GPR149: variants seen among roughly 807,000 people sequenced by gnomAD.
The protein encoded by GPR149 is G protein-coupled receptor 149, also known as probable G protein-coupled receptor 149.
A neutral mutation model predicts 50.2 loss-of-function variants in GPR149; 50 were observed. That is an observed-to-expected ratio of 1.00 (90% CI 0.79 to 1.26). The LOEUF (loss-of-function observed/expected upper bound fraction) is 1.26. Among genes scored for constraint, GPR149 ranks in the 50% most tolerant of loss-of-function variants. The pLI is 0.00. For missense variants in GPR149, 983 were observed against 895.4 expected (o/e 1.10, Z -1.25); for synonymous variants, 405 against 358.2 (o/e 1.13, Z -1.48).
Position 154,395,519 on chromosome 3 carries a change from T to C in GPR149, c.1623+25520A>G, listed in dbSNP as rs1246399574. Among the ~76,000 whole-genome samples the C allele has an allele frequency of 2.0e-5, 3 of 151,748 alleles. No individual in the cohort carries two copies. In the East Asian group the frequency reaches 5.8e-4, roughly 29 times the overall value. Reference sequence around the variant, plus strand: ...CATTTATAAGTTACTTTTTGGGCTTTAGCCCATGCCTGTAACCCTAGCACT... The same window carrying C: ...CATTTATAAGTTACTTTTTGGGCTTCAGCCCATGCCTGTAACCCTAGCACT... On this transcript the variant is annotated intron_variant, in intron 3 of 3. Coordinates refer to ENST00000389740, the MANE Select transcript of GPR149 (RefSeq NM_001038705.3).
At chr3:154,344,895 G>T (rs1298795755) in intron 3 of GPR149, among the ~76,000 whole-genome samples, 1 of 152,174 alleles carries the variant, frequency 6.6e-6, no homozygotes, top group Non-Finnish European at 1.5e-5. Context: ...TGTTACAGCA[G>T]CCTTGGGAAA....
At chr3:154,412,677 C>T (rs1217459891) in intron 3 of GPR149, among the ~76,000 whole-genome samples, 2 of 152,080 alleles carry the variant, frequency 1.3e-5, no homozygotes, top group African/African-American at 4.8e-5. Flanking sequence ...GGAAGCACAT[C>T]CCATGCTCAT....
At chr3:154,400,075 C>T (rs987080259) in intron 3 of GPR149, among the ~76,000 whole-genome samples, 9 of 152,138 alleles carry the variant, frequency 5.9e-5, no homozygotes, top group East Asian at 1.9e-4. Context: ...CAAGCTCCGC[C>T]TCCCGGGTTC....
chr3:154,379,470 A>G (rs1382982991), intron 3 of GPR149, among the ~76,000 whole-genome samples: 1 of 152,056 alleles, frequency 6.6e-6, no homozygotes, highest in Non-Finnish European at 1.5e-5. Context: ...CCAATTTATT[A>G]TTTTATGGAT....
chr3:154,414,310 T>TA (rs1047233928), intron 3 of GPR149, among the ~76,000 whole-genome samples: 3 of 151,076 alleles, frequency 2.0e-5, no homozygotes, highest in Admixed American at 6.6e-5. Context: ...CCTATTGAAA[T>TA]AAAAAAACAA....
At chr3:154,372,343 A>G (rs1381396181) in intron 3 of GPR149, among the ~76,000 whole-genome samples, 1 of 152,122 alleles carries the variant, frequency 6.6e-6, no homozygotes, top group African/African-American at 2.4e-5. Flanking sequence ...TTTGTTGTAA[A>G]CTTCCCTGTG....
At chr3:154,367,497 CTT>C (rs1264775743) in intron 3 of GPR149, among the ~76,000 whole-genome samples, 1 of 152,144 alleles carries the variant, frequency 6.6e-6, no homozygotes, top group African/African-American at 2.4e-5. Context: ...AGTAGATAAA[CTT>C]AAGTTACAAT....
In GPR149 at chr3:154,337,634, C is replaced by A; in HGVS notation, c.*65G>T. The A allele has an allele frequency of 8.3e-7, 1 of 1,198,180 alleles. No homozygotes were observed. The highest frequency in any genetic ancestry group is 1.2e-6 in the Non-Finnish European group (1 of 855,866). 74.2% of individuals were successfully genotyped at this position (1,198,180 alleles called of 1,614,324 possible). ...AAATAAAAGGAAATCAGTCTCATAA[C>A]AAAGGTGTTAGTTTCACAGTTGACG... is the stretch of plus-strand genomic sequence containing the variant. On this transcript the variant is annotated 3_prime_UTR_variant, in exon 4 of 4. Transcript: ENST00000389740.
chr3:154,400,566 T>G (rs6770263), intron 3 of GPR149, among the ~76,000 whole-genome samples: 145,831 of 152,236 alleles, frequency 0.96, 69,950 homozygotes, highest in East Asian at 1. Context: ...CCTTCCACAA[T>G]ATTGTCATTC....
At chr3:154,353,566 G>C in intron 3 of GPR149, 2 of 1,014,608 alleles carry the variant, frequency 2.0e-6, no homozygotes, top group Non-Finnish European at 3.1e-6. Flanking sequence ...ATACCATTTT[G>C]CATATGATTA....
chr3:154,411,319 C>T (rs1300192896), intron 3 of GPR149, among the ~76,000 whole-genome samples: 2 of 151,880 alleles, frequency 1.3e-5, no homozygotes, highest in South Asian at 4.2e-4. Context: ...CCAATCCCAG[C>T]AGAAGGAAAG....
chr3:154,388,020 A>G (rs1465303364), intron 3 of GPR149, among the ~76,000 whole-genome samples: 1 of 152,202 alleles, frequency 6.6e-6, no homozygotes, highest in African/African-American at 2.4e-5. Flanking sequence ...GTGCAGAGAT[A>G]TTTAAAATAA....
intron 3 of GPR149, among the ~76,000 whole-genome samples, chr3:154,366,624 TC>T (rs1438202582): frequency 6.6e-6 from 1 of 152,256 alleles, no homozygotes; most frequent in African/African-American, 2.4e-5. Flanking sequence ...AGAATGTCTT[TC>T]TACAGACTTT....
intron 1 of GPR149, among the ~76,000 whole-genome samples, chr3:154,428,348 C>G (rs1712368470): frequency 1.3e-5 from 2 of 152,166 alleles, no homozygotes; most frequent in South Asian, 4.1e-4. Flanking sequence ...AGACAATATC[C>G]TTGGCCACCA....
intron 3 of GPR149, among the ~76,000 whole-genome samples, chr3:154,412,273 C>A (rs977175078): frequency 6.6e-6 from 1 of 152,008 alleles, no homozygotes; most frequent in Non-Finnish European, 1.5e-5. Flanking sequence ...AAAAAGCATA[C>A]CCCTGAGACG....
intron 3 of GPR149, among the ~76,000 whole-genome samples, chr3:154,397,392 G>T (rs915942859): frequency 6.6e-6 from 1 of 152,120 alleles, no homozygotes; most frequent in African/African-American, 2.4e-5. Context: ...TTAAAGAATG[G>T]ATTATGTCAG....
intron 3 of GPR149, among the ~76,000 whole-genome samples, chr3:154,402,658 G>A (rs1258085812): frequency 1.3e-5 from 2 of 152,018 alleles, no homozygotes; most frequent in East Asian, 3.9e-4. Flanking sequence ...AAGTCTTTGT[G>A]GATCAATTCC....
At chr3:154,403,353 A>G (rs961134455) in intron 3 of GPR149, among the ~76,000 whole-genome samples, 35 of 152,346 alleles carry the variant, frequency 2.3e-4, no homozygotes, top group African/African-American at 8.2e-4. Flanking sequence ...TGACAAATGT[A>G]CAATATGGGA....
intron 3 of GPR149, among the ~76,000 whole-genome samples, chr3:154,351,891 A>G (rs1293695198): frequency 6.6e-6 from 1 of 152,176 alleles, no homozygotes; most frequent in Non-Finnish European, 1.5e-5. Flanking sequence ...AATGTCTTTA[A>G]TTATCTAATA....
Sources: allele counts gnomAD v4.1 joint callset (sites outside exome capture counted in the v4.1 genomes callset), GRCh38; gene constraint gnomAD v4.1.1; transcripts MANE v1.5; gene names NCBI Gene and HGNC (gene_info 2026-07-23, HGNC 2026-07-21).